Variants in LMOD1 observed in about 807,000 individuals in gnomAD.
The protein encoded by LMOD1 is leiomodin-1.
Under a neutral mutation model 36.5 loss-of-function variants are expected in LMOD1, and 8 were observed. The observed-to-expected ratio is 0.22, with a 90% confidence interval of 0.13 to 0.40. The LOEUF is 0.40. LMOD1 is among the 10% of genes least tolerant of loss of function. LMOD1 has a pLI of 1.00. For synonymous variants in LMOD1, 284 were observed against 288.7 expected (o/e 0.98, Z 0.17); for missense variants, 630 against 751.1 (o/e 0.84, Z 1.88).
At position 201,899,440 on chromosome 1, in the gene LMOD1, G is replaced by A. The variant is rs1426388480; in HGVS notation, c.1573C>T (p.Pro525Ser). ...PSPKPSPKNS[P>S]KKGGAPAAPP... The stretch of plus-strand genomic sequence containing the variant: ...GCAGCTGGAGCACCCCCTTTTTTGG[G>A]TGAGTTCTTTGGAGAGGGCTTTGGA... The change falls in exon 2 of 3, where the codon CCC becomes TCC. Residue 525 changes from proline to serine, a missense_variant. Transcript: ENST00000367288. The surrounding 1 kb of genome is among the most constrained non-coding windows in gnomAD (Gnocchi z 6.3). 3.7e-6 allele frequency: 6 copies of A among 1,613,786 alleles called. No individual in the cohort carries two copies. Among genetic ancestry groups the A allele is most frequent in the Non-Finnish European group, 4.2e-6 (5 of 1,179,852 alleles).
At chr1:201,931,766 G>C (rs1018791881) in intron 1 of LMOD1, among the ~76,000 whole-genome samples, 2 of 151,998 alleles carry the variant, frequency 1.3e-5, no homozygotes, top group African/African-American at 4.8e-5. Flanking sequence ...GCTGGGCACG[G>C]TGGGACATGC....
rs372162352 is a variant in LMOD1, at chr1:201,920,822, A to C, written c.262-20071T>G. ...GGCAGGAGGCTTGCTTGAGCCCAGGAGTTTGAGACCAGCCTGGGCAACATA... is the reference window on the plus strand; with the variant it reads ...GGCAGGAGGCTTGCTTGAGCCCAGGCGTTTGAGACCAGCCTGGGCAACATA... On this transcript the variant is annotated intron_variant, in intron 1 of 2. Transcript: ENST00000367288. Among the ~76,000 whole-genome samples the C allele has an allele frequency of 3.3e-5, 5 of 151,978 alleles. No individual in the cohort carries two copies. The East Asian group carries it at 5.9e-4, about 18-fold the overall frequency.
intron 1 of LMOD1, among the ~76,000 whole-genome samples, chr1:201,922,336 C>T (rs572564119): frequency 2.0e-4 from 30 of 152,140 alleles, no homozygotes; most frequent in African/African-American, 6.3e-4. Flanking sequence ...ATGGAAAGCA[C>T]CCAAAGTCTA....
At chr1:201,937,689 C>T (rs1159398403) in intron 1 of LMOD1, among the ~76,000 whole-genome samples, 5 of 152,000 alleles carry the variant, frequency 3.3e-5, no homozygotes, top group Non-Finnish European at 7.4e-5. Flanking sequence ...TTGCTTGAGC[C>T]CATGAGATGG....
intron 1 of LMOD1, among the ~76,000 whole-genome samples, chr1:201,929,791 C>A (rs1681888583): frequency 1.3e-5 from 2 of 152,176 alleles, no homozygotes; most frequent in Admixed American, 1.3e-4. Context: ...GAATAAGAGT[C>A]AGCCCTCACC....
chr1:201,939,138 G>GGC, intron 1 of LMOD1, among the ~76,000 whole-genome samples: 1 of 139,878 alleles, frequency 7.1e-6, no homozygotes, highest in South Asian at 2.3e-4. Flanking sequence ...CTCACTGATG[G>GGC]TTTTTTTTTT....
intron 1 of LMOD1, among the ~76,000 whole-genome samples, chr1:201,903,643 A>G (rs903372538): frequency 6.6e-6 from 1 of 152,212 alleles, no homozygotes; most frequent in African/African-American, 2.4e-5. Flanking sequence ...CCCTGATCCC[A>G]TCAAGTTGAG....
intron 1 of LMOD1, among the ~76,000 whole-genome samples, chr1:201,920,570 C>T (rs1428841055): frequency 6.6e-6 from 1 of 152,088 alleles, no homozygotes. Context: ...TAAGCTGAGT[C>T]TTTAAGCTCA....
intron 1 of LMOD1, among the ~76,000 whole-genome samples, chr1:201,935,179 C>A (rs564529090): frequency 2.0e-5 from 3 of 152,228 alleles, no homozygotes; most frequent in Non-Finnish European, 4.4e-5. Flanking sequence ...AGAAATGAGA[C>A]CAGTTAGAAG....
intron 1 of LMOD1, among the ~76,000 whole-genome samples, chr1:201,923,782 A>G (rs1303374493): frequency 6.6e-6 from 1 of 151,838 alleles, no homozygotes; most frequent in East Asian, 1.9e-4. Context: ...GGAGAATCAT[A>G]TGAGGCCTAG....
intron 1 of LMOD1, among the ~76,000 whole-genome samples, chr1:201,934,856 C>T (rs1233129278): frequency 6.6e-6 from 1 of 152,226 alleles, no homozygotes; most frequent in Non-Finnish European, 1.5e-5. Context: ...TGAAACCACT[C>T]TGAATTTCCT....
At chr1:201,933,595 T>TTTTATATATATATATATATATATA (rs1553298744) in intron 1 of LMOD1, among the ~76,000 whole-genome samples, 3 of 63,234 alleles carry the variant, frequency 4.7e-5, no homozygotes, top group Non-Finnish European at 7.2e-5. Context: ...TATACATACA[T>TTTTATATATATATATATATATATA]TATATATATA....
At chr1:201,930,563 G>C (rs1414091620) in intron 1 of LMOD1, among the ~76,000 whole-genome samples, 1 of 152,116 alleles carries the variant, frequency 6.6e-6, no homozygotes, top group African/African-American at 2.4e-5. Flanking sequence ...GGTGGGGTGG[G>C]GTGACGATGA....
intron 1 of LMOD1, among the ~76,000 whole-genome samples, chr1:201,938,401 T>C (rs1682055470): frequency 6.6e-6 from 1 of 152,174 alleles, no homozygotes; most frequent in Non-Finnish European, 1.5e-5. Flanking sequence ...AGTGCTGGGA[T>C]TACAGGCATG....
At chr1:201,942,398 A>C (rs1418031997) in intron 1 of LMOD1, among the ~76,000 whole-genome samples, 1 of 152,212 alleles carries the variant, frequency 6.6e-6, no homozygotes, top group Non-Finnish European at 1.5e-5. Context: ...ACCTGGAGGA[A>C]GTGGTACCTG....
chr1:201,916,002 T>C (rs961772524), intron 1 of LMOD1, among the ~76,000 whole-genome samples: 3 of 151,970 alleles, frequency 2.0e-5, no homozygotes, highest in African/African-American at 7.2e-5. Flanking sequence ...CACTGCAGCC[T>C]TGACTTCCTC....
At position 201,898,236 on chromosome 1, in the gene LMOD1, G is replaced by T; in HGVS notation, c.*136C>A. Reference sequence around the variant, plus strand: ...GCATCCTTCCTTGAGCGTGACCCAGGCCTGGACTCTCCCATGGCAGAATAG... The same window carrying T: ...GCATCCTTCCTTGAGCGTGACCCAGTCCTGGACTCTCCCATGGCAGAATAG... On this transcript the variant is annotated 3_prime_UTR_variant, in exon 3 of 3. Coordinates refer to ENST00000367288, the MANE Select transcript of LMOD1 (RefSeq NM_012134.3). 1 of 859,170 alleles carries T rather than the reference G, an allele frequency of 1.2e-6. No homozygotes were observed. The highest frequency in any genetic ancestry group is 1.9e-6 in the Non-Finnish European group (1 of 517,918). The allele number at this position is 859,170 out of a possible 1,614,324, so 53.2% of individuals were successfully genotyped here. A position where few individuals can be genotyped will look rare whatever the true frequency, so the allele number is the denominator to read the frequency against.
intron 1 of LMOD1, among the ~76,000 whole-genome samples, chr1:201,940,773 A>G: frequency 1.7e-5 from 2 of 118,612 alleles, no homozygotes; most frequent in Admixed American, 9.1e-5. Context: ...TTTGAGACGG[A>G]ATTCTGCTCT....
chr1:201,898,481 C>CATAT, intron 2 of LMOD1, 83 bp from the exon 3 acceptor site: 1 of 1,211,942 alleles, frequency 8.3e-7, no homozygotes, highest in Non-Finnish European at 1.2e-6. Context: ...ACACAAGACA[C>CATAT]TGCAATATGT....
Sources: allele counts gnomAD v4.1 joint callset (sites outside exome capture counted in the v4.1 genomes callset), GRCh38; gene constraint gnomAD v4.1.1; non-coding constraint Gnocchi (gnomAD v3.1); transcripts MANE v1.5; gene names NCBI Gene and HGNC (gene_info 2026-07-23, HGNC 2026-07-21).